C1orf159: variants seen among roughly 807,000 people sequenced by gnomAD.
The protein encoded by C1orf159 is chromosome 1 open reading frame 159.
A neutral mutation model predicts 25.6 loss-of-function variants in C1orf159; 19 were observed. The ratio of observed to expected loss-of-function variants is 0.74; its 90% confidence interval spans 0.52 to 1.09. The LOEUF is 1.09. C1orf159 is among the 50% of genes least tolerant of loss of function. The pLI, the probability that C1orf159 is intolerant of heterozygous loss-of-function variation, is 0.00. For synonymous variants in C1orf159, 139 were observed against 124.7 expected, an observed-to-expected ratio of 1.12 and a Z score of -0.77; for missense variants, 274 against 290.6, an observed-to-expected ratio of 0.94 and a Z score of 0.42.
intron 4 of C1orf159, among the ~76,000 whole-genome samples, chr1:1,088,086 A>C (rs976547158): frequency 8.0e-5 from 12 of 149,144 alleles, no homozygotes. Flanking sequence ...GGCTTCCACC[A>C]CCCAGCCTTC....
chr1:1,091,561 A>G lies in C1orf159; in HGVS notation c.-18T>C. ...AGCGCCATGCCAGGAGCAGATGCGC[A>G]GAGCCTGCCACAGGGAGGAGCATGC... On this transcript the variant is annotated 5_prime_UTR_variant, in exon 3 of 10. Coordinates refer to ENST00000421241, the MANE Select transcript of C1orf159 (RefSeq NM_017891.5). 6.5e-7 allele frequency: 1 copy of G among 1,542,236 alleles called. No homozygotes were observed. Among genetic ancestry groups the G allele is most frequent in the Non-Finnish European group, 8.8e-7 (1 of 1,142,422 alleles).
intron 1 of C1orf159, among the ~76,000 whole-genome samples, chr1:1,112,680 A>G (rs1217160591): frequency 2.0e-5 from 3 of 152,190 alleles, no homozygotes; most frequent in Admixed American, 2.0e-4. Flanking sequence ...GCTCCCGCCC[A>G]AGTACTAGCA....
At chr1:1,107,278 C>T (rs950320088) in intron 1 of C1orf159, among the ~76,000 whole-genome samples, 6 of 152,232 alleles carry the variant, frequency 3.9e-5, no homozygotes, top group African/African-American at 1.4e-4. Context: ...ATTGTAAATG[C>T]ACCAATCAGC....
intron 1 of C1orf159, among the ~76,000 whole-genome samples, chr1:1,113,910 G>A (rs1441552858): frequency 2.0e-5 from 3 of 149,898 alleles, no homozygotes; most frequent in Non-Finnish European, 4.4e-5. Flanking sequence ...GCTCCCTCGA[G>A]GCCTTTTTTT....
At chr1:1,111,658 C>G (rs1000627698) in intron 1 of C1orf159, among the ~76,000 whole-genome samples, 3 of 152,186 alleles carry the variant, frequency 2.0e-5, no homozygotes, top group Non-Finnish European at 2.9e-5. Context: ...AGTGGGTAGA[C>G]CACACCCACG....
intron 4 of C1orf159, among the ~76,000 whole-genome samples, chr1:1,088,988 CTCTG>C (rs1315352828): frequency 3.9e-5 from 6 of 152,252 alleles, no homozygotes; most frequent in Admixed American, 3.9e-4. Context: ...TTCAGCGAGG[CTCTG>C]TCTGAGAGTC....
chr1:1,090,407 C>G lies in C1orf159; in HGVS notation c.94G>C (p.Val32Leu). ...CTGGCGTTGACGCCCACCACATCCACACAGCACTCGGGCAGCTGGGCCTGG... is the reference window on the plus strand; with the variant it reads ...CTGGCGTTGACGCCCACCACATCCAGACAGCACTCGGGCAGCTGGGCCTGG... ...ENTAQLPECC[V>L]DVVGVNASCP... The change falls in exon 4 of 10, where the codon GTG becomes CTG. Residue 32 changes from valine to leucine, a missense_variant. Coordinates refer to ENST00000421241, the MANE Select transcript of C1orf159 (RefSeq NM_017891.5). 2 of 1,550,536 alleles carry G rather than the reference C, an allele frequency of 1.3e-6. No individual in the cohort carries two copies. The highest frequency in any genetic ancestry group is 1.7e-6 in the Non-Finnish European group (2 of 1,146,948).
At chr1:1,099,863 G>A (rs567121406) in intron 1 of C1orf159, among the ~76,000 whole-genome samples, 1 of 148,608 alleles carries the variant, frequency 6.7e-6, no homozygotes, top group South Asian at 2.1e-4. Context: ...GAATTGGAGA[G>A]AGAGAGGTTA....
intron 1 of C1orf159, among the ~76,000 whole-genome samples, chr1:1,114,238 A>T (rs1475019126): frequency 6.6e-6 from 1 of 151,932 alleles, no homozygotes; most frequent in East Asian, 1.9e-4. Flanking sequence ...GCCTTCTCTT[A>T]CCAGCCAAAT....
chr1:1,085,169 G>T, intron 7 of C1orf159: 1 of 326,702 alleles, frequency 3.1e-6, no homozygotes, highest in Middle Eastern at 4.2e-4. Context: ...ATGGACAGGG[G>T]TCTCACAGCA....
chr1:1,091,654 T>TGG, intron 2 of C1orf159, 89 bp from the exon 3 acceptor site: 1 of 745,066 alleles, frequency 1.3e-6, no homozygotes, highest in Non-Finnish European at 2.0e-6. Context: ...GGTCAAGAGA[T>TGG]GTTGGGGGGG....
At chr1:1,111,305 A>T (rs1312782966) in intron 1 of C1orf159, among the ~76,000 whole-genome samples, 1 of 149,928 alleles carries the variant, frequency 6.7e-6, no homozygotes, top group Non-Finnish European at 1.5e-5. Context: ...AGGTGGGAGG[A>T]TCGCTTGAGC....
At position 1,082,652 on chromosome 1, in the gene C1orf159, C is replaced by G; in HGVS notation, c.*241G>C. 1 of 553,006 alleles carries G rather than the reference C, an allele frequency of 1.8e-6. No homozygotes were observed. 34.3% of individuals were successfully genotyped at this position (553,006 alleles called of 1,614,324 possible). A position where few individuals can be genotyped will look rare whatever the true frequency, so the allele number is the denominator to read the frequency against. On this transcript the variant is annotated 3_prime_UTR_variant, in exon 10 of 10. Coordinates refer to ENST00000421241, the MANE Select transcript of C1orf159 (RefSeq NM_017891.5). ...CCCCCCAAGGCCTCGATCTGAAGCT[C>G]TGAGGTCTCATGGATGCCTGCTCCT...
At chr1:1,107,064 C>T (rs1200667103) in intron 1 of C1orf159, among the ~76,000 whole-genome samples, 1 of 152,210 alleles carries the variant, frequency 6.6e-6, no homozygotes, top group Non-Finnish European at 1.5e-5. Flanking sequence ...TGGGCTCCCA[C>T]ACAGCCCGAG....
chr1:1,090,279 G>T (rs1385767292), intron 4 of C1orf159, 74 bp downstream of exon 4: 1 of 1,425,818 alleles, frequency 7.0e-7, no homozygotes, highest in East Asian at 2.5e-5. Flanking sequence ...TGTCACCGAG[G>T]GGAGGGCCCT....
At chr1:1,101,623 C>T (rs940755879) in intron 1 of C1orf159, among the ~76,000 whole-genome samples, 7 of 151,900 alleles carry the variant, frequency 4.6e-5, no homozygotes, top group South Asian at 2.1e-4. Flanking sequence ...GCTCAGGGTC[C>T]GTCGGCTCAT....
At chr1:1,090,657 G>C in intron 3 of C1orf159, 2 of 685,218 alleles carry the variant, frequency 2.9e-6, no homozygotes, top group Non-Finnish European at 5.0e-6. Context: ...CGGTCTCCAA[G>C]GAAAAGCTGG....
intron 1 of C1orf159, among the ~76,000 whole-genome samples, chr1:1,112,700 A>C (rs1209714290): frequency 6.6e-6 from 1 of 152,268 alleles, no homozygotes; most frequent in African/African-American, 2.4e-5. Context: ...AAGATGCTGC[A>C]TGGGTGGACA....
intron 1 of C1orf159, chr1:1,092,435 T>TC (rs897442686): frequency 2.6e-4 from 40 of 156,014 alleles, no homozygotes; most frequent in Non-Finnish European, 5.0e-4. Flanking sequence ...ACCCCCTCTC[T>TC]CCCCCCTGCA....
Sources: gnomAD v4.1 joint callset for allele counts (sites outside exome capture counted in the v4.1 genomes callset) on GRCh38, gnomAD v4.1.1 for gene constraint, MANE v1.5 for transcripts, NCBI Gene and HGNC (gene_info 2026-07-23, HGNC 2026-07-21) for gene names.